The following CLK2 variants were observed in gnomAD, a reference collection of about 807,000 sequenced individuals.
The protein encoded by CLK2 is CDC like kinase 2.
A neutral mutation model predicts 73.5 loss-of-function variants in CLK2; 12 were observed. That is an observed-to-expected ratio of 0.16 (90% confidence interval 0.10 to 0.26). The LOEUF is 0.26. Among genes scored for constraint, CLK2 ranks in the 10% least tolerant of loss-of-function variants. CLK2 has a pLI of 1.00. For synonymous variants in CLK2, 232 were observed against 237.9 expected, an observed-to-expected ratio of 0.98 and a Z score of 0.23; for missense variants, 509 against 688.4, an observed-to-expected ratio of 0.74 and a Z score of 2.92.
At chr1:155,265,088 T>C (rs776070357) in intron 8 of CLK2, among the ~76,000 whole-genome samples, 67 of 152,094 alleles carry the variant, frequency 4.4e-4, no homozygotes, top group Non-Finnish European at 6.9e-4. Flanking sequence ...TCTGAAAAAA[T>C]GTAACATGTA....
chr1:155,263,254 G>T lies in CLK2; in HGVS notation c.1464C>A (p.Asn488Lys). 1 of 1,613,980 alleles carries T rather than the reference G, an allele frequency of 6.2e-7. No individual in the cohort carries two copies. Among genetic ancestry groups the T allele is most frequent in the Non-Finnish European group, 8.5e-7 (1 of 1,180,006 alleles). Residue 488 changes from asparagine to lysine, a missense_variant, in exon 13 of 13, where the codon AAC becomes AAA. Physicochemically the swap from Asn to Lys is moderately conservative, Grantham distance 94 (BLOSUM62 0). Coordinates refer to ENST00000368361, the MANE Select transcript of CLK2 (RefSeq NM_001294338.2). ...FFARLRAEPPNKLWDSSRDIS... is the reference protein window; with the variant it reads ...FFARLRAEPPKKLWDSSRDIS... ...TATCCCGACTGGAGTCCCACAACTT[G>T]TTGGGCGGCTCAGCCCGAAGGCGGG... is the stretch of plus-strand genomic sequence containing the variant.
chr1:155,267,444 G>A (rs1322818743), intron 6 of CLK2, among the ~76,000 whole-genome samples: 3 of 152,102 alleles, frequency 2.0e-5, no homozygotes, highest in Admixed American at 1.3e-4. Flanking sequence ...ACTATTTGCT[G>A]AAGAGCTGTG....
At chr1:155,270,319 C>T (rs1317284210) in intron 2 of CLK2, among the ~76,000 whole-genome samples, 1 of 152,188 alleles carries the variant, frequency 6.6e-6, no homozygotes, top group African/African-American at 2.4e-5. Context: ...TTGCAGTGAG[C>T]TGAGATCTTG....
At position 155,263,916 on chromosome 1, in the gene CLK2, A is replaced by G. The variant is rs1673106134; in HGVS notation, c.1317+34T>C. ...ACCCTAAGAAGGAAGTGACTTCTGG[A>G]CGGTGGGCACTATTTATCCCGAGCC... On this transcript the variant is annotated intron_variant, in intron 12 of 12. Coordinates refer to ENST00000368361, the MANE Select transcript of CLK2 (RefSeq NM_001294338.2). 6 of 1,593,876 alleles carry G rather than the reference A, an allele frequency of 3.8e-6. No individual in the cohort carries two copies. The East Asian group carries it at 1.3e-4, about 36-fold the overall frequency.
chr1:155,265,816 G>C lies in CLK2; in HGVS notation c.933+44C>G, dbSNP rs757586255. 7.8e-6 allele frequency: 10 copies of C among 1,285,146 alleles called. No individual in the cohort carries two copies. In the African/African-American group the frequency reaches 1.3e-4, roughly 17 times the overall value. The allele number at this position is 1,285,146 out of a possible 1,614,324, so 79.6% of individuals were successfully genotyped here. ...GCTCGGCAGAAGGCAAAGTGGTGCA[G>C]CTGCCTGCCCCCAGTAACCAAGGGC... On this transcript the variant is annotated intron_variant, in intron 8 of 12. Coordinates refer to ENST00000368361, the MANE Select transcript of CLK2 (RefSeq NM_001294338.2).
chr1:155,269,548 G>T lies in CLK2; in HGVS notation c.339C>A (p.Ser113Arg). 1 of 1,614,152 alleles carries T rather than the reference G, an allele frequency of 6.2e-7. No homozygotes were observed. The highest frequency in any genetic ancestry group is 8.5e-7 in the Non-Finnish European group (1 of 1,180,052). Reference protein sequence around the residue: ...RENSSYRSQRSSRRKHRRRRR... With the variant: ...RENSSYRSQRRSRRKHRRRRR... ...TCCGCCGTCTGTGCTTCCTCCGGCT[G>T]CTGCGCTGGCTGCGGTAACTGCTGT... The change falls in exon 3 of 13, where the codon AGC (serine) becomes AGA (arginine). Residue 113 changes from serine (S) to arginine (R), a missense_variant. Ser to Arg is a moderately radical substitution (Grantham distance 110). Coordinates refer to ENST00000368361, the MANE Select transcript of CLK2 (RefSeq NM_001294338.2).
rs1334862564 is a variant in CLK2 at position 155,268,268 on chromosome 1, A to C, written c.554+25T>G. 6 of 1,607,564 alleles carry C rather than the reference A, an allele frequency of 3.7e-6. No homozygotes were observed. On this transcript the variant is annotated intron_variant, in intron 5 of 12. Transcript: ENST00000368361. This position sits in a 1 kb window ranked among gnomAD's most constrained non-coding sequence, Gnocchi z 5.6. ...ACCCCAACCATCTCTTTAGCCCCAC[A>C]TAGTAGGGAGGGACTGACAGTTACC...
At chr1:155,267,785 C>T (rs750312495) in intron 6 of CLK2, among the ~76,000 whole-genome samples, 11 of 152,146 alleles carry the variant, frequency 7.2e-5, no homozygotes, top group Admixed American at 6.6e-5. Flanking sequence ...TGGGGTCAAA[C>T]GACAGAGCAA....
intron 3 of CLK2, chr1:155,269,060 A>G (rs141940288): frequency 2.8e-4 from 163 of 591,074 alleles, no homozygotes; most frequent in South Asian, 1.7e-3. Context: ...GTTGTTGCCA[A>G]TGTCACCCAC....
rs770480302 is a variant in CLK2, at chr1:155,268,838, G to A, written c.400-43C>T. 8.7e-6 allele frequency: 12 copies of A among 1,385,224 alleles called. No homozygotes were observed. In the East Asian group the frequency reaches 2.8e-4, roughly 32 times the overall value. The allele number at this position is 1,385,224 out of a possible 1,614,324, so 85.8% of individuals were successfully genotyped here. A position where few individuals can be genotyped will look rare whatever the true frequency, so the allele number is the denominator to read the frequency against. ...GGGTCGGAGCAAGCCAGGTGTCGGA[G>A]CGGGGGCCGGAGGGAGGCGGGGTGG... On this transcript the variant is annotated intron_variant, in intron 3 of 12. Transcript: ENST00000368361. This position sits in a 1 kb window ranked among gnomAD's most constrained non-coding sequence, Gnocchi z 5.6.
chr1:155,272,579 T>A (rs141959722), intron 1 of CLK2, among the ~76,000 whole-genome samples: 84 of 152,196 alleles, frequency 5.5e-4, no homozygotes, highest in African/African-American at 1.9e-3. Context: ...CCATTCTGTA[T>A]CACTTCTTCC....
chr1:155,269,810 G>T, intron 2 of CLK2, 94 bp from the exon 3 acceptor site: 1 of 1,163,558 alleles, frequency 8.6e-7, no homozygotes, highest in Non-Finnish European at 1.3e-6. Context: ...AGGACAAAGA[G>T]TAATGCTAGA....
intron 8 of CLK2, among the ~76,000 whole-genome samples, chr1:155,265,194 C>T (rs1673168889): frequency 6.6e-6 from 1 of 152,130 alleles, no homozygotes. Flanking sequence ...GGGAGAGCTT[C>T]TTTAGGTCTG....
At position 155,273,236 on chromosome 1, in the gene CLK2, G is replaced by A. The variant is rs903275346; in HGVS notation, c.-36C>T. The A allele has an allele frequency of 2.0e-5, 3 of 152,234 alleles. No homozygotes were observed. The highest frequency in any genetic ancestry group is 6.5e-5 in the Admixed American group (1 of 15,288). 9.4% of individuals were successfully genotyped at this position (152,234 alleles called of 1,614,324 possible). On this transcript the variant is annotated 5_prime_UTR_variant, in exon 1 of 13. Transcript: ENST00000368361. ...GCGAGGCCCGTGCGCTTGTCCCACAGGAAGTCCGTGATGGCGGCGACACTG... is the reference window on the plus strand; with the variant it reads ...GCGAGGCCCGTGCGCTTGTCCCACAAGAAGTCCGTGATGGCGGCGACACTG...
At position 155,263,172 on chromosome 1, in the gene CLK2, G is replaced by C; in HGVS notation, c.*46C>G. On this transcript the variant is annotated 3_prime_UTR_variant, in exon 13 of 13. Transcript: ENST00000368361. ...AAAAAAGCACCAGTGTCCTGGACTG[G>C]ACACCCACTGCTATAAAAGATGCAG... 6.4e-7 allele frequency: 1 copy of C among 1,569,040 alleles called. No individual in the cohort carries two copies. Among genetic ancestry groups the C allele is most frequent in the Non-Finnish European group, 8.6e-7 (1 of 1,157,650 alleles).
intron 8 of CLK2, 100 bp downstream of exon 8, chr1:155,265,760 G>T: frequency 1.2e-6 from 1 of 822,000 alleles, no homozygotes; most frequent in Non-Finnish European, 2.2e-6. Flanking sequence ...AGAAAATGTG[G>T]GAGGACGAAA....
rs761045355 is a variant in CLK2 at position 155,263,338 on chromosome 1, T to C, written c.1380A>G (p.Leu460=). ...TCAGCCGCTTAGCTGGTTCATACTC[T>C]AGCATGCTTTCAATCAGATCGAAGA... is the stretch of plus-strand genomic sequence containing the variant. The part of the protein sequence containing the change: ...HQLFDLIESM[L]EYEPAKRLTL... The change falls in exon 13 of 13, where the codon CTA becomes CTG. Residue 460 remains leucine, a synonymous_variant. Coordinates refer to ENST00000368361, the MANE Select transcript of CLK2 (RefSeq NM_001294338.2). 2 of 1,614,176 alleles carry C rather than the reference T, an allele frequency of 1.2e-6. No individual in the cohort carries two copies. Among genetic ancestry groups the C allele is most frequent in the South Asian group, 1.1e-5 (1 of 91,088 alleles).
chr1:155,272,166 G>A (rs1455842453), intron 1 of CLK2, among the ~76,000 whole-genome samples: 2 of 152,026 alleles, frequency 1.3e-5, no homozygotes, highest in Admixed American at 6.5e-5. Context: ...ACAGGCATGC[G>A]CCGCCACGCC....
chr1:155,270,921 A>G lies in CLK2; in HGVS notation c.57T>C (p.Arg19=), dbSNP rs199658818. The change falls in exon 2 of 13, where the codon CGT becomes CGC. Residue 19 remains arginine (R), a synonymous_variant. Coordinates refer to ENST00000368361, the MANE Select transcript of CLK2 (RefSeq NM_001294338.2). ...TATGCTTTCGGCTCCGATAGTGTTC[A>G]CGGTAACTCCCCCGGCTGCCTCGCT... is the stretch of plus-strand genomic sequence containing the variant. ...SSERGSRGSY[R]EHYRSRKHKR... 53 of 1,614,016 alleles carry G rather than the reference A, an allele frequency of 3.3e-5. No homozygotes were observed. Among genetic ancestry groups the G allele is most frequent in the Non-Finnish European group, 4.5e-5 (53 of 1,180,018 alleles).
Sources: gnomAD v4.1 joint callset for allele counts (sites outside exome capture counted in the v4.1 genomes callset) on GRCh38, gnomAD v4.1.1 for gene constraint, Gnocchi (gnomAD v3.1) non-coding constraint, MANE v1.5 for transcripts, NCBI Gene and HGNC (gene_info 2026-07-23, HGNC 2026-07-21) for gene names.